ANAPC2: variants seen among roughly 807,000 people sequenced by gnomAD.
ANAPC2 encodes the protein anaphase promoting complex subunit 2.
A neutral mutation model predicts 84.3 loss-of-function variants in ANAPC2; 29 were observed. That is an observed-to-expected ratio of 0.34 (90% CI 0.26 to 0.47). The LOEUF (loss-of-function observed/expected upper bound fraction) is 0.47, where lower values mean the gene tolerates loss of function less well. ANAPC2 is among the 20% of genes least tolerant of loss of function. The pLI, the probability that ANAPC2 is intolerant of heterozygous loss-of-function variation, is 1.00. For missense variants in ANAPC2, 857 were observed against 1,131.7 expected, an observed-to-expected ratio of 0.76 and a Z score of 3.48; for synonymous variants, 571 against 479.4, an observed-to-expected ratio of 1.19 and a Z score of -2.50.
chr9:137,181,990 G>A (rs1406971293), intron 6 of ANAPC2, 128 bp from the exon 7 acceptor site: 5 of 974,014 alleles, frequency 5.1e-6, no homozygotes, highest in Admixed American at 5.8e-5. Context: ...GTGGTGATGG[G>A]CTATGTACTA....
At chr9:137,180,697 G>T in intron 8 of ANAPC2, 91 bp downstream of exon 8, 1 of 1,572,102 alleles carries the variant, frequency 6.4e-7, no homozygotes, top group Admixed American at 1.7e-5. Context: ...CTCCAACCAG[G>T]CCCCAGGCAC....
At position 137,175,917 on chromosome 9, in the gene ANAPC2, A is replaced by G. The variant is rs72619353; in HGVS notation, c.1891-80T>C. 7.0e-3 allele frequency: 10,454 copies of G among 1,486,114 alleles called. 284 individuals carry two copies. In the East Asian group the frequency reaches 0.08, roughly 11 times the overall value. 92.1% of individuals were successfully genotyped at this position (1,486,114 alleles called of 1,614,324 possible). A position where few individuals can be genotyped will look rare whatever the true frequency, so the allele number is the denominator to read the frequency against. Reference sequence around the variant, plus strand: ...TGGGCTCTGCCACCTGGTACCAGTGAGAAAGGGGCTCCCAGAGCCACCTGC... The same window carrying G: ...TGGGCTCTGCCACCTGGTACCAGTGGGAAAGGGGCTCCCAGAGCCACCTGC... On this transcript the variant is annotated intron_variant, in intron 10 of 12. Transcript: ENST00000323927.
At chr9:137,186,107 C>T (rs528320298) in intron 3 of ANAPC2, 117 bp downstream of exon 3, 47 of 1,438,210 alleles carry the variant, frequency 3.3e-5, no homozygotes, top group African/African-American at 5.6e-5. Context: ...AGCCACCACC[C>T]GGTCTGGGCC....
chr9:137,183,363 C>T lies in ANAPC2; in HGVS notation c.1169-121G>A, dbSNP rs939258282. On this transcript the variant is annotated intron_variant, in intron 5 of 12. Coordinates refer to ENST00000323927, the MANE Select transcript of ANAPC2 (RefSeq NM_013366.4). ...GGTCTACAGGTCCCCACTGCAGCCT[C>T]GTTCCCTTGTCCCCCCATCCCCACC... 5.7e-6 allele frequency: 5 copies of T among 884,646 alleles called. No individual in the cohort carries two copies. The African/African-American group carries it at 6.6e-5, about 12-fold the overall frequency. The allele number at this position is 884,646 out of a possible 1,614,324, so 54.8% of individuals were successfully genotyped here.
In ANAPC2 at chr9:137,183,776, C is replaced by T. The variant is rs769202387; in HGVS notation, c.1064G>A (p.Arg355Gln). ...FSIVRDFPDS[R>Q]PAIEDLKYCL... ...GTACTTGAGGTCCTCGATGGCTGGCCGGGAGTCTGGGAAGTCTACAAGAAG... is the reference window on the plus strand; with the variant it reads ...GTACTTGAGGTCCTCGATGGCTGGCTGGGAGTCTGGGAAGTCTACAAGAAG... The change falls in exon 5 of 13, where the codon CGG (arginine) becomes CAG (glutamine). Residue 355 changes from arginine to glutamine, a missense_variant. By Grantham distance (43) the Arg-to-Gln change is conservative. Around this residue, in one of 3 missense-constraint regions of ANAPC2, gnomAD observed 428 missense variants for 513.8 expected, o/e 0.83. Coordinates refer to ENST00000323927, the MANE Select transcript of ANAPC2 (RefSeq NM_013366.4). 3 of 1,613,210 alleles carry T rather than the reference C, an allele frequency of 1.9e-6. No individual in the cohort carries two copies. Among genetic ancestry groups the T allele is most frequent in the Non-Finnish European group, 8.5e-7 (1 of 1,179,878 alleles).
At position 137,180,908 on chromosome 9, in the gene ANAPC2, C is replaced by A; in HGVS notation, c.1490G>T (p.Arg497Leu). 6.2e-7 allele frequency: 1 copy of A among 1,613,418 alleles called. No individual in the cohort carries two copies. The highest frequency in any genetic ancestry group is 8.5e-7 in the Non-Finnish European group (1 of 1,179,900). ...ADPGKSSSKR[R>L]SSDIISLLVS... ...CAGCAGGCTGATGATGTCCGATGAA[C>A]GCCGCTTGGAGCTCGACTTCCCTGG... Residue 497 changes from arginine to leucine, a missense_variant, in exon 8 of 13, where the codon CGT becomes CTT. Physicochemically the swap from Arg to Leu is moderately radical, Grantham distance 102. Around this residue, in one of 3 missense-constraint regions of ANAPC2, gnomAD observed 425 missense variants for 595.5 expected, o/e 0.71. Transcript: ENST00000323927.
At position 137,186,344 on chromosome 9, in the gene ANAPC2, A is replaced by G. The variant is rs777378583; in HGVS notation, c.753T>C (p.Ser251=). Residue 251 remains serine, a synonymous_variant, in exon 3 of 13, where the codon AGT becomes AGC. Coordinates refer to ENST00000323927, the MANE Select transcript of ANAPC2 (RefSeq NM_013366.4). ...HQLSQVLHRL[S]LLERVSAEAV... is the part of the protein sequence containing the mutation. ...CCTCGGCACTGACCCGCTCCAGCAG[A>G]CTGAGCCTGTGTCTAGAGGAGAGCC... is the stretch of plus-strand genomic sequence containing the variant. The G allele has an allele frequency of 3.7e-6, 6 of 1,606,316 alleles. No homozygotes were observed. The highest frequency in any genetic ancestry group is 5.1e-6 in the Non-Finnish European group (6 of 1,177,682).
rs1374335456 is a variant in ANAPC2 at position 137,175,107 on chromosome 9, G to A, written c.2304C>T (p.Leu768=). The A allele has an allele frequency of 6.2e-7, 1 of 1,609,580 alleles. No homozygotes were observed. The highest frequency in any genetic ancestry group is 1.7e-5 in the Admixed American group (1 of 59,662). ...GCATGTTGTAGATACGATCCAGTGA[G>A]AGGCTCTCCAGGTTGGTCAGCATGG... ...IQAMLTNLES[L]SLDRIYNMLR... is the part of the protein sequence containing the mutation. The change falls in exon 13 of 13, where the codon CTC becomes CTT. Residue 768 remains leucine (L), a synonymous_variant. Transcript: ENST00000323927.
intron 10 of ANAPC2, among the ~76,000 whole-genome samples, chr9:137,177,738 G>A (rs910259914): frequency 6.6e-6 from 1 of 152,178 alleles, no homozygotes; most frequent in African/African-American, 2.4e-5. Context: ...CCTCTGATGA[G>A]ATCTTATTTG....
At chr9:137,175,593 A>G (rs1257454488) in intron 11 of ANAPC2, 115 bp downstream of exon 11, 4 of 1,490,770 alleles carry the variant, frequency 2.7e-6, no homozygotes, top group Admixed American at 2.2e-5. Context: ...GGGAAAGGGA[A>G]GGGTGCCGCC....
At position 137,183,902 on chromosome 9, in the gene ANAPC2, CGAT is replaced by C. The variant is rs576577864; in HGVS notation, c.1049-114_1049-112del. 4.1e-6 allele frequency: 6 copies of C among 1,451,620 alleles called. No individual in the cohort carries two copies. The Admixed American group carries it at 1.2e-4, about 28-fold the overall frequency. 89.9% of individuals were successfully genotyped at this position (1,451,620 alleles called of 1,614,324 possible). A position where few individuals can be genotyped will look rare whatever the true frequency, so the allele number is the denominator to read the frequency against. Reference sequence around the variant, plus strand: ...GGACACGTGCTTGCCAGCCCCAGGACGATGATGAGACCACCTGCTAGGCACCAG... The same window carrying C: ...GGACACGTGCTTGCCAGCCCCAGGACGATGAGACCACCTGCTAGGCACCAG... On this transcript the variant is annotated intron_variant, in intron 4 of 12. Coordinates refer to ENST00000323927, the MANE Select transcript of ANAPC2 (RefSeq NM_013366.4).
intron 10 of ANAPC2, among the ~76,000 whole-genome samples, chr9:137,178,544 G>A (rs775821071): frequency 6.6e-6 from 1 of 152,170 alleles, no homozygotes; most frequent in Admixed American, 6.5e-5. Flanking sequence ...AGCCAGAGGG[G>A]CAGGGGGAAA....
chr9:137,187,837 G>C lies in ANAPC2; in HGVS notation c.384C>G (p.Ser128Arg). The change falls in exon 2 of 13, where the codon AGC becomes AGG. Residue 128 changes from serine (S) to arginine (R), a missense_variant. Ser to Arg is a moderately radical substitution (Grantham distance 110, BLOSUM62 -1). Transcript: ENST00000323927. ...LESRLDPYLR[S>R]LELLEKWTRL... ...GAGTCCATTTCTCCAGCAGCTCTAG[G>C]CTACGCAGGTAGGGATCCAGGCGGC... 1 of 1,613,594 alleles carries C rather than the reference G, an allele frequency of 6.2e-7. No homozygotes were observed. The highest frequency in any genetic ancestry group is 8.5e-7 in the Non-Finnish European group (1 of 1,180,032).
At chr9:137,184,659 C>T (rs1324152069) in intron 4 of ANAPC2, among the ~76,000 whole-genome samples, 1 of 96,204 alleles carries the variant, frequency 1.0e-5, no homozygotes, top group Admixed American at 1.0e-4. Flanking sequence ...AGCCCAGACG[C>T]AGACACAGGG....
intron 5 of ANAPC2, 130 bp downstream of exon 5, chr9:137,183,542 C>G (rs1253793563): frequency 1.4e-6 from 2 of 1,381,134 alleles, no homozygotes; most frequent in Non-Finnish European, 1.9e-6. Context: ...TCACCAATTG[C>G]TTCTCAACCC....
intron 8 of ANAPC2, 103 bp from the exon 9 acceptor site, chr9:137,180,630 G>A: frequency 1.9e-6 from 3 of 1,574,572 alleles, no homozygotes; most frequent in East Asian, 2.2e-5. Flanking sequence ...CAGGGAGCCT[G>A]TGTGGGCACC....
intron 4 of ANAPC2, 132 bp from the exon 5 acceptor site, chr9:137,183,923 G>A (rs1387632740): frequency 1.3e-5 from 16 of 1,228,658 alleles, no homozygotes; most frequent in Non-Finnish European, 1.8e-5. Flanking sequence ...CCACCTGCTA[G>A]GCACCAGACA....
chr9:137,184,980 G>T lies in ANAPC2; in HGVS notation c.981C>A (p.His327Gln), dbSNP rs543676776. The T allele has an allele frequency of 6.2e-7, 1 of 1,611,838 alleles. No homozygotes were observed. The highest frequency in any genetic ancestry group is 1.3e-5 in the African/African-American group (1 of 74,894). ...AGATGCGGTAGAAGAACCTTTGCACGTGGCAGCGCCAGCGGCGCAGGGTGT... is the reference window on the plus strand; with the variant it reads ...AGATGCGGTAGAAGAACCTTTGCACTTGGCAGCGCCAGCGGCGCAGGGTGT... ...AGNTLRRWRCHVQRFFYRIYA... is the reference protein window; with the variant it reads ...AGNTLRRWRCQVQRFFYRIYA... The change falls in exon 4 of 13, where the codon CAC becomes CAA. Residue 327 changes from histidine (H) to glutamine (Q), a missense_variant. By Grantham distance (24) the His-to-Gln change is conservative. Transcript: ENST00000323927.
At chr9:137,187,288 G>A in intron 2 of ANAPC2, 193 bp downstream of exon 2, 2 of 702,768 alleles carry the variant, frequency 2.8e-6, no homozygotes, top group Admixed American at 3.0e-5. Context: ...GAATCTGTGG[G>A]ACTGAAGGTG....
Sources: gnomAD v4.1 joint callset for allele counts (sites outside exome capture counted in the v4.1 genomes callset) on GRCh38, gnomAD v4.1.1 for gene constraint, gnomAD v4.1.1 regional missense constraint, MANE v1.5 for transcripts, NCBI Gene and HGNC (gene_info 2026-07-23, HGNC 2026-07-21) for gene names.